Variants in TMEFF1 observed in about 807,000 individuals in gnomAD.
The protein encoded by TMEFF1 is tomoregulin-1.
A neutral mutation model predicts 47.5 loss-of-function variants in TMEFF1; 20 were observed. The observed-to-expected ratio is 0.42, with a 90% CI of 0.30 to 0.61. The LOEUF is 0.61. Ranked by LOEUF, TMEFF1 falls within the 20% of genes least tolerant of loss-of-function variation. TMEFF1 has a pLI of 0.19. For synonymous variants in TMEFF1, 162 were observed against 166.3 expected (o/e 0.97, Z 0.20); for missense variants, 411 against 471.1 (o/e 0.87, Z 1.18).
At chr9:100,570,569 C>T (rs1385600381) in intron 8 of TMEFF1, among the ~76,000 whole-genome samples, 1 of 152,004 alleles carries the variant, frequency 6.6e-6, no homozygotes, top group East Asian at 1.9e-4. Context: ...GCACCCTTGT[C>T]AAAACCAATT....
intron 1 of TMEFF1, among the ~76,000 whole-genome samples, chr9:100,477,587 A>C (rs1281398818): frequency 7.0e-6 from 1 of 143,386 alleles, no homozygotes; most frequent in Non-Finnish European, 1.5e-5. Context: ...TAGCAGGTTT[A>C]CCCACAGATG....
chr9:100,473,622 G>A lies in TMEFF1; in HGVS notation c.78G>A (p.Val26=), dbSNP rs773714080. 1 of 1,560,260 alleles carries A rather than the reference G, an allele frequency of 6.4e-7. No homozygotes were observed. The highest frequency in any genetic ancestry group is 2.4e-5 in the East Asian group (1 of 41,864). The change falls in exon 1 of 10, where the codon GTG becomes GTA. Residue 26 remains valine (V), a synonymous_variant. Transcript: ENST00000374879. The surrounding 1 kb of genome is among the most constrained non-coding windows in gnomAD (Gnocchi z 5.4). ...PPLAFCCYTS[V]LLLFAFSLPG... ...TCGCCTTCTGCTGCTACACGTCGGT[G>A]CTTCTGCTCTTCGCCTTCTCTCTGC...
intron 8 of TMEFF1, among the ~76,000 whole-genome samples, chr9:100,568,752 TC>T (rs933462815): frequency 2.0e-5 from 3 of 152,184 alleles, no homozygotes; most frequent in African/African-American, 7.2e-5. Flanking sequence ...GCTCTAGGCA[TC>T]CGCTAATTTA....
At chr9:100,495,308 T>C (rs554280654) in intron 1 of TMEFF1, among the ~76,000 whole-genome samples, 1 of 152,350 alleles carries the variant, frequency 6.6e-6, no homozygotes, top group East Asian at 1.9e-4. Flanking sequence ...TTAAAATATC[T>C]TTTCCAAATT....
At chr9:100,523,249 C>G (rs532110660) in intron 5 of TMEFF1, among the ~76,000 whole-genome samples, 15 of 152,340 alleles carry the variant, frequency 9.8e-5, no homozygotes, top group African/African-American at 3.1e-4. Context: ...CTCCTTCTAG[C>G]CTTAGATGCC....
chr9:100,534,297 T>G (rs550687713), intron 5 of TMEFF1, among the ~76,000 whole-genome samples: 99 of 152,306 alleles, frequency 6.5e-4, no homozygotes, highest in Middle Eastern at 3.4e-3. Flanking sequence ...CCTCACTGGT[T>G]TTTTTGATTG....
chr9:100,473,738 C>T lies in TMEFF1; in HGVS notation c.194C>T (p.Ser65Leu). The change falls in exon 1 of 10, where the codon TCA becomes TTA. Residue 65 changes from serine to leucine, a missense_variant and splice_region_variant. Coordinates refer to ENST00000374879, the MANE Select transcript of TMEFF1 (RefSeq NM_003692.5). The surrounding 1 kb of genome is among the most constrained non-coding windows in gnomAD (Gnocchi z 5.4). The part of the protein sequence containing the change: ...PGGKGKSINC[S>L]ELNVRESDVR... Reference sequence around the variant, plus strand: ...GGCAAAGGCAAGAGCATCAACTGCTCAGGTAGGACCGGTCGGAGCCGGCCC... The same window carrying T: ...GGCAAAGGCAAGAGCATCAACTGCTTAGGTAGGACCGGTCGGAGCCGGCCC... The T allele has an allele frequency of 6.6e-7, 1 of 1,516,868 alleles. No individual in the cohort carries two copies. Among genetic ancestry groups the T allele is most frequent in the East Asian group, 2.6e-5 (1 of 38,602 alleles). The allele number at this position is 1,516,868 out of a possible 1,614,324, so 94.0% of individuals were successfully genotyped here.
chr9:100,523,830 T>G (rs767140035), intron 5 of TMEFF1, among the ~76,000 whole-genome samples: 1 of 152,236 alleles, frequency 6.6e-6, no homozygotes, highest in Non-Finnish European at 1.5e-5. Flanking sequence ...TCTTATTTGA[T>G]CCTGTCAGCA....
intron 1 of TMEFF1, among the ~76,000 whole-genome samples, chr9:100,498,016 G>A (rs1837689818): frequency 6.6e-6 from 1 of 151,938 alleles, no homozygotes; most frequent in African/African-American, 2.4e-5. Context: ...TTGCATTGTA[G>A]TGATTTTCAC....
chr9:100,531,475 C>T (rs1422178569), intron 5 of TMEFF1, among the ~76,000 whole-genome samples: 5 of 152,134 alleles, frequency 3.3e-5, no homozygotes, highest in African/African-American at 1.2e-4. Context: ...CATGAGTGAG[C>T]TCCCATTCAC....
At chr9:100,479,981 A>G (rs765110565) in intron 1 of TMEFF1, among the ~76,000 whole-genome samples, 1 of 152,156 alleles carries the variant, frequency 6.6e-6, no homozygotes, top group Non-Finnish European at 1.5e-5. Context: ...TTACATTTCT[A>G]CCAGCAATGT....
intron 7 of TMEFF1, 45 bp downstream of exon 7, chr9:100,550,205 C>T (rs369133996): frequency 1.8e-5 from 29 of 1,579,822 alleles, no homozygotes; most frequent in East Asian, 1.6e-4. Context: ...TATGGAAATA[C>T]GGTCACTAGC....
chr9:100,527,355 G>A (rs1018679425), intron 5 of TMEFF1, among the ~76,000 whole-genome samples: 1 of 152,210 alleles, frequency 6.6e-6, no homozygotes, highest in Non-Finnish European at 1.5e-5. Context: ...GGGAGTGCCA[G>A]ACAGTGGGCA....
chr9:100,518,548 G>T (rs1838110384), intron 5 of TMEFF1: 1 of 965,668 alleles, frequency 1.0e-6, no homozygotes, highest in Non-Finnish European at 1.2e-6. Flanking sequence ...CGTCAGGCAA[G>T]GAAATTGATG....
intron 1 of TMEFF1, among the ~76,000 whole-genome samples, chr9:100,484,430 T>G (rs888839649): frequency 2.6e-5 from 4 of 151,884 alleles, no homozygotes; most frequent in Non-Finnish European, 1.5e-5. Flanking sequence ...CGATTCTCCC[T>G]GCCTCAGACT....
At chr9:100,572,975 T>A (rs1014617589) in intron 9 of TMEFF1, among the ~76,000 whole-genome samples, 1 of 151,770 alleles carries the variant, frequency 6.6e-6, no homozygotes, top group African/African-American at 2.4e-5. Flanking sequence ...ATAATGTTAG[T>A]AGCAATCTTT....
At chr9:100,573,922 A>G (rs1442987090) in intron 9 of TMEFF1, among the ~76,000 whole-genome samples, 2 of 152,280 alleles carry the variant, frequency 1.3e-5, no homozygotes, top group Non-Finnish European at 2.9e-5. Context: ...ACAAATAATG[A>G]TAACAGAAAG....
chr9:100,491,743 GTTAA>G (rs1332100216), intron 1 of TMEFF1, among the ~76,000 whole-genome samples: 1 of 152,116 alleles, frequency 6.6e-6, no homozygotes, highest in Non-Finnish European at 1.5e-5. Flanking sequence ...TAGTTATTTG[GTTAA>G]TTGAGAAAGT....
intron 1 of TMEFF1, among the ~76,000 whole-genome samples, chr9:100,476,603 G>A (rs1837232962): frequency 6.6e-6 from 1 of 151,824 alleles, no homozygotes; most frequent in Non-Finnish European, 1.5e-5. Context: ...ATGTTGGCCA[G>A]GCTGATCTTG....
Sources: allele counts gnomAD v4.1 joint callset (sites outside exome capture counted in the v4.1 genomes callset), GRCh38; gene constraint gnomAD v4.1.1; non-coding constraint Gnocchi (gnomAD v3.1); transcripts MANE v1.5; gene names NCBI Gene and HGNC (gene_info 2026-07-23, HGNC 2026-07-21).